Variants in HMG20A observed in about 807,000 individuals in gnomAD.
The protein encoded by HMG20A is high mobility group 20A, also known as high mobility group protein 20A.
Under a neutral mutation model 43.9 loss-of-function variants are expected in HMG20A, and 17 were observed. That is an observed-to-expected ratio of 0.39 (90% CI 0.27 to 0.58). HMG20A has a LOEUF of 0.58. Ranked by LOEUF, HMG20A falls within the 20% of genes least tolerant of loss-of-function variation. The pLI is 0.59. For missense variants in HMG20A, 341 were observed against 438.2 expected (o/e 0.78, Z 1.98); for synonymous variants, 132 against 147.5 (o/e 0.89, Z 0.76).
In HMG20A at chr15:77,467,271, C is replaced by T. The variant is rs2142340773; in HGVS notation, c.414C>T (p.Gly138=). Residue 138 remains glycine, a synonymous_variant, in exon 4 of 10, where the codon GGC becomes GGT. Coordinates refer to ENST00000336216, the MANE Select transcript of HMG20A (RefSeq NM_001304504.2). ...TTCCAGAAATCACAAGGATGTTAGG[C>T]AATGAATGGAGTAAACTGCCTCCTG... ...VPFPEITRML[G]NEWSKLPPEE... is the part of the protein sequence containing the mutation. 3 of 1,614,018 alleles carry T rather than the reference C, an allele frequency of 1.9e-6. No homozygotes were observed. Among genetic ancestry groups the T allele is most frequent in the South Asian group, 2.2e-5 (2 of 91,082 alleles).
chr15:77,499,467 C>T, the HMG20A span, among the ~76,000 whole-genome samples: 1 of 152,142 alleles, frequency 6.6e-6, no homozygotes, highest in African/African-American at 2.4e-5. Context: ...TGGAATCCTA[C>T]ACGCCTCTCC....
intron 4 of HMG20A, among the ~76,000 whole-genome samples, chr15:77,468,707 C>G (rs1170578900): frequency 6.6e-6 from 1 of 151,928 alleles, no homozygotes; most frequent in Non-Finnish European, 1.5e-5. Context: ...GCCCTTTACC[C>G]CCAGGATATT....
the HMG20A span, among the ~76,000 whole-genome samples, chr15:77,518,799 TC>T: frequency 1.3e-5 from 2 of 152,128 alleles, no homozygotes; most frequent in Non-Finnish European, 2.9e-5. Context: ...GGGAGCACAC[TC>T]CTCCCACAGG....
chr15:77,491,319 G>A, the HMG20A span, among the ~76,000 whole-genome samples: 1 of 152,348 alleles, frequency 6.6e-6, no homozygotes, highest in African/African-American at 2.4e-5. Flanking sequence ...GAAGTCAACT[G>A]AAGGCAGCTG....
At chr15:77,468,597 T>TCTCACACACA (rs1555510607) in intron 4 of HMG20A, among the ~76,000 whole-genome samples, 2 of 147,708 alleles carry the variant, frequency 1.4e-5, no homozygotes, top group Non-Finnish European at 3.0e-5. Context: ...TCTCTCTCTG[T>TCTCACACACA]CACACACACA....
downstream of HMG20A, among the ~76,000 whole-genome samples, chr15:77,487,291 A>G (rs903709883): frequency 6.6e-6 from 1 of 152,228 alleles, no homozygotes; most frequent in African/African-American, 2.4e-5. Context: ...AGGTTTTAGT[A>G]AGGAAGAAGG....
the HMG20A span, among the ~76,000 whole-genome samples, chr15:77,500,283 C>T: frequency 1.3e-5 from 2 of 152,206 alleles, no homozygotes; most frequent in Non-Finnish European, 1.5e-5. Context: ...ATAGCTATTA[C>T]ACCTTGCAGA....
chr15:77,467,566 A>G (rs1000063169), intron 4 of HMG20A, among the ~76,000 whole-genome samples: 1 of 152,206 alleles, frequency 6.6e-6, no homozygotes, highest in Non-Finnish European at 1.5e-5. Context: ...CTGAGTTCAC[A>G]TAAGATTGTT....
chr15:77,428,912 G>C (rs964114741), intron 1 of HMG20A, among the ~76,000 whole-genome samples: 20 of 148,300 alleles, frequency 1.3e-4, no homozygotes, highest in African/African-American at 4.5e-4. Flanking sequence ...GCTGTGAGCT[G>C]TTATCGAGCC....
intron 6 of HMG20A, among the ~76,000 whole-genome samples, chr15:77,473,803 T>G (rs1261135519): frequency 6.6e-6 from 1 of 151,886 alleles, no homozygotes; most frequent in East Asian, 1.9e-4. Context: ...AAAAAAGGAG[T>G]GAGTAGATGG....
In HMG20A at chr15:77,431,522, G is replaced by GT. The variant is rs200623774; in HGVS notation, c.-5+10525dup. On this transcript the variant is annotated intron_variant, in intron 1 of 9. Transcript: ENST00000336216. The stretch of plus-strand genomic sequence containing the variant: ...CTACCATGCCCAGCTGGTTTTTTTT[G>GT]TTTTTTTAATTGACAAAAATTATAT... Among the ~76,000 whole-genome samples the GT allele has an allele frequency of 4.3e-3, 649 of 151,654 alleles. 1 individual carries two copies. The highest frequency in any genetic ancestry group is 0.013 in the African/African-American group (554 of 41,356).
Position 77,467,154 on chromosome 15 carries a change from C to G in HMG20A, c.297C>G (p.Asp99Glu), listed in dbSNP as rs924364393. ...KGRKRKKPLRDSNAPKSPLTG... is the reference protein window; with the variant it reads ...KGRKRKKPLRESNAPKSPLTG... The stretch of plus-strand genomic sequence containing the variant: ...GAAAGAGGAAGAAACCTCTTCGAGA[C>G]AGCAATGCACCCAAATCCCCCCTTA... Residue 99 changes from aspartate (D) to glutamate (E), a missense_variant, in exon 4 of 10, where the codon GAC (aspartate) becomes GAG (glutamate). Around this residue, in one of 3 missense-constraint regions of HMG20A, gnomAD observed 220 missense variants for 263.6 expected, o/e 0.83. Transcript: ENST00000336216. The G allele has an allele frequency of 3.1e-6, 5 of 1,614,084 alleles. No individual in the cohort carries two copies. The highest frequency in any genetic ancestry group is 4.2e-6 in the Non-Finnish European group (5 of 1,179,992).
chr15:77,511,273 G>A, the HMG20A span, among the ~76,000 whole-genome samples: 36,290 of 152,088 alleles, frequency 0.24, 5,134 homozygotes, highest in Non-Finnish European at 0.32. Flanking sequence ...ATAAATATAT[G>A]TGTATACACA....
intron 1 of HMG20A, among the ~76,000 whole-genome samples, chr15:77,446,806 CAA>C (rs77491209): frequency 1.9e-4 from 14 of 74,730 alleles, no homozygotes; most frequent in Admixed American, 1.5e-4. Context: ...GACTCCGTCT[CAA>C]AAAAAAAAAA....
downstream of HMG20A, among the ~76,000 whole-genome samples, chr15:77,486,259 C>CTTTTTTT (rs71145843): frequency 1.6e-5 from 2 of 128,694 alleles, no homozygotes; most frequent in African/African-American, 2.8e-5. Flanking sequence ...TAAATGCTTG[C>CTTTTTTT]TTTTTTTTTT....
chr15:77,442,229 C>T (rs1003940500), intron 1 of HMG20A, among the ~76,000 whole-genome samples: 1 of 152,118 alleles, frequency 6.6e-6, no homozygotes, highest in Non-Finnish European at 1.5e-5. Context: ...TTGATAATTT[C>T]AGTGTATTTT....
At chr15:77,519,474 ATTAAGAGGTGGGGC>A in the HMG20A span, among the ~76,000 whole-genome samples, 2 of 152,336 alleles carry the variant, frequency 1.3e-5, no homozygotes, top group African/African-American at 4.8e-5. Flanking sequence ...GTGTGATAGT[ATTAAGAGGTGGGGC>A]CTTTTGGAAG....
At chr15:77,443,379 G>GATGGTT (rs576920554) in intron 1 of HMG20A, among the ~76,000 whole-genome samples, 4 of 131,332 alleles carry the variant, frequency 3.0e-5, no homozygotes, top group Non-Finnish European at 1.6e-5. Flanking sequence ...TGATGATGAT[G>GATGGTT]ATTATTATTA....
intron 1 of HMG20A, among the ~76,000 whole-genome samples, chr15:77,457,627 G>C (rs930413870): frequency 6.6e-6 from 1 of 152,182 alleles, no homozygotes; most frequent in Non-Finnish European, 1.5e-5. Context: ...CTTTCAGTCT[G>C]ATAACCTCAG....
Sources: allele counts gnomAD v4.1 joint callset (sites outside exome capture counted in the v4.1 genomes callset), GRCh38; gene constraint gnomAD v4.1.1; regional missense constraint gnomAD v4.1.1; transcripts MANE v1.5; gene names NCBI Gene and HGNC (gene_info 2026-07-23, HGNC 2026-07-21).